Variants in ABCD3 observed in about 807,000 individuals in gnomAD.
The protein encoded by ABCD3 is ATP binding cassette subfamily D member 3, also known as ATP-binding cassette sub-family D member 3.
Under a neutral mutation model 105.5 loss-of-function variants are expected in ABCD3, and 41 were observed. The ratio of observed to expected loss-of-function variants is 0.39; its 90% CI spans 0.30 to 0.50. The LOEUF (loss-of-function observed/expected upper bound fraction) is 0.50, where lower values mean the gene tolerates loss of function less well. ABCD3 is among the 20% of genes least tolerant of loss of function. ABCD3 has a pLI of 0.84. For synonymous variants in ABCD3, 258 were observed against 269.0 expected (o/e 0.96, Z 0.40); for missense variants, 622 against 806.3 (o/e 0.77, Z 2.77).
intron 13 of ABCD3, among the ~76,000 whole-genome samples, chr1:94,488,831 C>CTT (rs1286824023): frequency 4.6e-5 from 7 of 151,174 alleles, no homozygotes; most frequent in African/African-American, 1.7e-4. Context: ...CTCTCTCTCT[C>CTT]TCTCGCTCTC....
chr1:94,398,935 A>G, the ABCD3 span, among the ~76,000 whole-genome samples: 1 of 152,042 alleles, frequency 6.6e-6, no homozygotes, highest in African/African-American at 2.4e-5. Context: ...AAACAAACAA[A>G]CAAAAAAAAC....
rs145797099 is a variant in ABCD3, at chr1:94,473,811, C to T, written c.381C>T (p.Leu127=). The T allele has an allele frequency of 6.2e-7, 1 of 1,612,582 alleles. No individual in the cohort carries two copies. Among genetic ancestry groups the T allele is most frequent in the Non-Finnish European group, 8.5e-7 (1 of 1,179,310 alleles). The change falls in exon 5 of 23, where the codon CTC becomes CTT. Residue 127 remains leucine (L), a synonymous_variant. Transcript: ENST00000370214. ...RSRKDFKRYL[L]NFIAAMPLIS... ...GGAAAGATTTCAAGAGATACTTACT[C>T]AACTTCATCGCTGCCATGCCTCTTG...
intron 1 of ABCD3, among the ~76,000 whole-genome samples, chr1:94,421,252 T>C (rs1253141183): frequency 6.6e-6 from 1 of 152,190 alleles, no homozygotes; most frequent in Non-Finnish European, 1.5e-5. Context: ...AAAATTTATA[T>C]ACATTGAAAT....
At chr1:94,488,910 T>G (rs374740029) in intron 13 of ABCD3, among the ~76,000 whole-genome samples, 2 of 151,782 alleles carry the variant, frequency 1.3e-5, no homozygotes, top group East Asian at 3.9e-4. Flanking sequence ...CCTTTCTTTC[T>G]CTTTTTTCCA....
intron 1 of ABCD3, chr1:94,419,448 G>A: frequency 1.4e-6 from 1 of 717,108 alleles, no homozygotes. Flanking sequence ...CTGAATTACG[G>A]TTGCGACATA....
chr1:94,394,279 T>C, the ABCD3 span, among the ~76,000 whole-genome samples: 1 of 150,332 alleles, frequency 6.7e-6, no homozygotes, highest in South Asian at 2.1e-4. Flanking sequence ...GAGACAGTAA[T>C]ATTATCATCC....
chr1:94,467,401 C>T (rs1648204227), intron 3 of ABCD3, among the ~76,000 whole-genome samples: 1 of 152,176 alleles, frequency 6.6e-6, no homozygotes, highest in African/African-American at 2.4e-5. Context: ...CTCTTCCCTT[C>T]ATAACTAAAT....
chr1:94,486,245 G>A (rs1046436178), intron 10 of ABCD3, among the ~76,000 whole-genome samples: 1 of 152,098 alleles, frequency 6.6e-6, no homozygotes, highest in Non-Finnish European at 1.5e-5. Flanking sequence ...CAAATACTAT[G>A]CCATTTTTCA....
chr1:94,464,496 CTTGGTATTT>C (rs1648040245), intron 2 of ABCD3, among the ~76,000 whole-genome samples: 1 of 151,892 alleles, frequency 6.6e-6, no homozygotes, highest in Non-Finnish European at 1.5e-5. Context: ...AGGTGTTCAC[CTTGGTATTT>C]TGCAGTTGCT....
At chr1:94,421,626 C>G (rs1287259041) in intron 1 of ABCD3, among the ~76,000 whole-genome samples, 1 of 150,926 alleles carries the variant, frequency 6.6e-6, no homozygotes, top group Admixed American at 6.6e-5. Context: ...TCTCAGGGAG[C>G]TTACCTTCTT....
At chr1:94,512,186 CTGTT>C (rs1458713462) in intron 21 of ABCD3, among the ~76,000 whole-genome samples, 1 of 151,984 alleles carries the variant, frequency 6.6e-6, no homozygotes. Context: ...GATGTCCTTT[CTGTT>C]TGTTAGTTTT....
At chr1:94,455,744 A>T (rs940933562) in intron 1 of ABCD3, 5 of 914,560 alleles carry the variant, frequency 5.5e-6, no homozygotes, top group Non-Finnish European at 4.6e-6. Context: ...TATTTCATGG[A>T]AACTTGGAGA....
chr1:94,418,638 C>G (rs1016726505), intron 1 of ABCD3, 50 bp downstream of exon 1: 8 of 1,530,572 alleles, frequency 5.2e-6, no homozygotes, highest in Middle Eastern at 2.0e-4. Flanking sequence ...GCGGGCGCTC[C>G]CCGCGCGCTC....
chr1:94,480,691 G>A (rs1648987638), intron 9 of ABCD3, 85 bp downstream of exon 9: 1 of 1,406,624 alleles, frequency 7.1e-7, no homozygotes, highest in Non-Finnish European at 1.0e-6. Context: ...AAAGTCTAGT[G>A]ACACTGTTAC....
chr1:94,456,255 ATTTTTTTTTTTTTTTTTTTTTTT>A (rs71094301), intron 1 of ABCD3, among the ~76,000 whole-genome samples: 2 of 44,958 alleles, frequency 4.4e-5, no homozygotes, highest in East Asian at 7.4e-4. Context: ...AAATGACAGA[ATTTTTTTTTTTTTTTTTTTTTTT>A]TTTTTTTTTT....
chr1:94,437,112 G>A (rs915126028), intron 1 of ABCD3, among the ~76,000 whole-genome samples: 4 of 152,198 alleles, frequency 2.6e-5, no homozygotes, highest in Admixed American at 6.5e-5. Flanking sequence ...ATGAAATTGC[G>A]AGGTGAAACA....
intron 1 of ABCD3, among the ~76,000 whole-genome samples, chr1:94,420,817 T>C (rs533890836): frequency 6.6e-6 from 1 of 152,290 alleles, no homozygotes; most frequent in African/African-American, 2.4e-5. Flanking sequence ...AACTGATTAA[T>C]TTTAATATCT....
At chr1:94,400,365 C>T in the ABCD3 span, among the ~76,000 whole-genome samples, 2 of 151,036 alleles carry the variant, frequency 1.3e-5, no homozygotes, top group Non-Finnish European at 2.9e-5. Context: ...GATCGCGCCA[C>T]TGCACTCCAA....
intron 21 of ABCD3, among the ~76,000 whole-genome samples, chr1:94,512,053 A>G (rs1310510543): frequency 6.6e-6 from 1 of 151,946 alleles, no homozygotes; most frequent in Non-Finnish European, 1.5e-5. Context: ...GTTCCTTTGG[A>G]GGAGGAGAGG....
Sources: gnomAD v4.1 joint callset for allele counts (sites outside exome capture counted in the v4.1 genomes callset) on GRCh38, gnomAD v4.1.1 for gene constraint, MANE v1.5 for transcripts, NCBI Gene and HGNC (gene_info 2026-07-23, HGNC 2026-07-21) for gene names.